SGCZ: variants seen among roughly 807,000 people sequenced by gnomAD.
SGCZ encodes the protein sarcoglycan zeta.
In SGCZ, 40 loss-of-function variants were observed where a neutral mutation model predicts 41.3. That is an observed-to-expected ratio of 0.97 (90% confidence interval 0.75 to 1.26). SGCZ has a LOEUF of 1.26. Ranked by LOEUF, SGCZ falls within the 50% of genes most tolerant of loss-of-function variation. The probability of loss-of-function intolerance (pLI) is 0.00; values close to 1 mark genes in which losing one functional copy is unlikely to be tolerated. For missense variants in SGCZ, 552 were observed against 369.8 expected (o/e 1.49, Z -4.04); for synonymous variants, 206 against 137.5 (o/e 1.50, Z -3.49).
chr8:14,479,419 T>G (rs1801458881), intron 2 of SGCZ, among the ~76,000 whole-genome samples: 1 of 152,154 alleles, frequency 6.6e-6, no homozygotes, highest in African/African-American at 2.4e-5. Flanking sequence ...GGTGCTCACT[T>G]AGATTGAGGG....
At chr8:14,535,590 G>T (rs998804477) in intron 2 of SGCZ, among the ~76,000 whole-genome samples, 7 of 151,744 alleles carry the variant, frequency 4.6e-5, no homozygotes, top group African/African-American at 1.7e-4. Context: ...AACTTCTTTT[G>T]CAGTGTTAAG....
rs538737225 is a variant in SGCZ at position 14,847,946 on chromosome 8, A to G, written c.40-293020T>C. 3.9e-5 allele frequency among the ~76,000 whole-genome samples: 6 copies of G among 152,278 alleles called. No homozygotes were observed. The South Asian group carries it at 1.0e-3, about 26-fold the overall frequency. On this transcript the variant is annotated intron_variant, in intron 1 of 7. Transcript: ENST00000382080. ...CAGAAGGCATCCAGATTGGAAAACA[A>G]AGATGTCATTATTCATAGACAACAT...
intron 1 of SGCZ, among the ~76,000 whole-genome samples, chr8:14,898,752 G>A (rs969280933): frequency 1.3e-5 from 2 of 152,164 alleles, no homozygotes; most frequent in Admixed American, 6.5e-5. Context: ...TTTCAAGATA[G>A]AGAATACTAG....
rs180937556 is a variant in SGCZ, at chr8:15,147,735, T to C, written c.39+89850A>G. On this transcript the variant is annotated intron_variant, in intron 1 of 7. Coordinates refer to ENST00000382080, the MANE Select transcript of SGCZ (RefSeq NM_139167.4). Reference sequence around the variant, plus strand: ...GGGGAGAAGGCCCAGGTAGAATCCCTGTTGCAGAAGGGGTTCTGAGAAGGA... The same window carrying C: ...GGGGAGAAGGCCCAGGTAGAATCCCCGTTGCAGAAGGGGTTCTGAGAAGGA... Among the ~76,000 whole-genome samples the C allele has an allele frequency of 5.5e-4, 84 of 152,280 alleles. No homozygotes were observed. The East Asian group carries it at 0.015, about 27-fold the overall frequency.
chr8:15,164,873 C>T (rs1799612210), intron 1 of SGCZ, among the ~76,000 whole-genome samples: 1 of 152,100 alleles, frequency 6.6e-6, no homozygotes, highest in Non-Finnish European at 1.5e-5. Context: ...GCAGTCCTGA[C>T]TTACGGAATA....
intron 1 of SGCZ, among the ~76,000 whole-genome samples, chr8:15,122,532 G>T (rs563620348): frequency 2.6e-5 from 4 of 152,002 alleles, no homozygotes; most frequent in Non-Finnish European, 5.9e-5. Flanking sequence ...AATGATTGAC[G>T]GTTGAAGATT....
intron 1 of SGCZ, among the ~76,000 whole-genome samples, chr8:14,629,048 A>C (rs1004808390): frequency 3.3e-5 from 5 of 152,184 alleles, no homozygotes; most frequent in African/African-American, 1.2e-4. Context: ...TGCCCTACGA[A>C]GGAAAAAGAA....
Position 14,380,184 on chromosome 8 carries a change from T to C in SGCZ, c.235-55980A>G, listed in dbSNP as rs143426837. 1.2e-4 allele frequency among the ~76,000 whole-genome samples: 19 copies of C among 152,326 alleles called. No homozygotes were observed. In the East Asian group the frequency reaches 3.3e-3, roughly 26 times the overall value. On this transcript the variant is annotated intron_variant, in intron 2 of 7. Transcript: ENST00000382080. ...TATATGCAAGCTTTATATAGTACTT[T>C]AACATTCACATGTCAACTTATTTGT...
At chr8:15,217,897 G>A (rs1422589772) in intron 1 of SGCZ, among the ~76,000 whole-genome samples, 1 of 152,146 alleles carries the variant, frequency 6.6e-6, no homozygotes, top group Non-Finnish European at 1.5e-5. Context: ...AGACCAGGCT[G>A]GCCAAATGGT....
intron 5 of SGCZ, among the ~76,000 whole-genome samples, chr8:14,148,304 C>G (rs1803589965): frequency 1.3e-5 from 2 of 151,486 alleles, no homozygotes; most frequent in Non-Finnish European, 2.9e-5. Context: ...AAACCTTTAG[C>G]CAAACTAAGA....
chr8:14,454,850 A>G (rs909428821), intron 2 of SGCZ, among the ~76,000 whole-genome samples: 4 of 152,180 alleles, frequency 2.6e-5, no homozygotes, highest in Admixed American at 2.6e-4. Context: ...GGTTAAATAT[A>G]CATCTAACAT....
chr8:15,005,095 G>A (rs890680467), intron 1 of SGCZ, among the ~76,000 whole-genome samples: 4 of 152,110 alleles, frequency 2.6e-5, no homozygotes, highest in African/African-American at 9.7e-5. Flanking sequence ...GGCTTCCTAA[G>A]GGAAAGGAAG....
intron 1 of SGCZ, among the ~76,000 whole-genome samples, chr8:15,231,779 A>G (rs1290318046): frequency 1.3e-5 from 2 of 151,630 alleles, no homozygotes; most frequent in African/African-American, 4.8e-5. Context: ...ACACCACCAC[A>G]TTCTGCTAAT....
intron 2 of SGCZ, among the ~76,000 whole-genome samples, chr8:14,493,588 G>A (rs898520161): frequency 6.6e-6 from 1 of 150,940 alleles, no homozygotes; most frequent in Non-Finnish European, 1.5e-5. Flanking sequence ...ATATGGTCTC[G>A]ATATCGTGAC....
intron 1 of SGCZ, among the ~76,000 whole-genome samples, chr8:14,555,535 G>A (rs1298212338): frequency 6.6e-6 from 1 of 151,992 alleles, no homozygotes; most frequent in African/African-American, 2.4e-5. Flanking sequence ...AGAAGCAAAA[G>A]CCTCTATGCT....
intron 2 of SGCZ, among the ~76,000 whole-genome samples, chr8:14,434,801 T>G (rs931856840): frequency 6.6e-6 from 1 of 152,164 alleles, no homozygotes; most frequent in Non-Finnish European, 1.5e-5. Context: ...CGGTAACGCA[T>G]GCCTGCAGTC....
intron 1 of SGCZ, among the ~76,000 whole-genome samples, chr8:14,831,788 G>GTGTGTACGCATACATGTATATA (rs1802538659): frequency 2.0e-5 from 3 of 149,958 alleles, no homozygotes; most frequent in Admixed American, 2.0e-4. Flanking sequence ...ACGTATATAT[G>GTGTGTACGCATACATGTATATA]TGTGTACACA....
chr8:14,190,480 A>G lies in SGCZ; in HGVS notation c.425-25778T>C, dbSNP rs570627927. Reference sequence around the variant, plus strand: ...TTCCAATGTTTTAATATCACAATTCAATAGTGAATACTGGTGCAATGGACA... The same window carrying G: ...TTCCAATGTTTTAATATCACAATTCGATAGTGAATACTGGTGCAATGGACA... On this transcript the variant is annotated intron_variant, in intron 4 of 7. Coordinates refer to ENST00000382080, the MANE Select transcript of SGCZ (RefSeq NM_139167.4). Among the ~76,000 whole-genome samples, 389 of 152,224 alleles carry G rather than the reference A, an allele frequency of 2.6e-3. 4 individuals carry two copies. The highest frequency in any genetic ancestry group is 9.0e-3 in the African/African-American group (375 of 41,528).
intron 1 of SGCZ, among the ~76,000 whole-genome samples, chr8:14,669,171 C>A (rs895524504): frequency 2.9e-5 from 4 of 136,320 alleles, no homozygotes; most frequent in African/African-American, 1.2e-4. Flanking sequence ...CTCGTCTCTA[C>A]AAACACACAC....
Sources: allele counts gnomAD v4.1 joint callset (sites outside exome capture counted in the v4.1 genomes callset), GRCh38; gene constraint gnomAD v4.1.1; transcripts MANE v1.5; gene names NCBI Gene and HGNC (gene_info 2026-07-23, HGNC 2026-07-21).